The following SRD5A1 variants were observed in gnomAD, a reference collection of about 807,000 sequenced individuals.
SRD5A1 encodes the protein 3-oxo-5-alpha-steroid 4-dehydrogenase 1.
SRD5A1 carries 22 observed loss-of-function variants against 28.2 expected under a neutral mutation model. The observed-to-expected ratio is 0.78, with a 90% confidence interval of 0.56 to 1.12. The LOEUF (loss-of-function observed/expected upper bound fraction) is 1.12. Ranked by LOEUF, SRD5A1 falls within the 50% of genes most tolerant of loss-of-function variation. The pLI, the probability that SRD5A1 is intolerant of heterozygous loss-of-function variation, is 0.00. For missense variants in SRD5A1, 300 were observed against 346.7 expected, an observed-to-expected ratio of 0.87 and a Z score of 1.07; for synonymous variants, 151 against 135.0, an observed-to-expected ratio of 1.12 and a Z score of -0.82.
chr5:6,652,086 A>G, intron 2 of SRD5A1, 78 bp downstream of exon 2: 1 of 1,456,790 alleles, frequency 6.9e-7, no homozygotes, highest in Admixed American at 2.0e-5. Context: ...TTCTAATGAG[A>G]AAGTCCAAGC....
intron 1 of SRD5A1, among the ~76,000 whole-genome samples, chr5:6,635,931 C>T (rs771944035): frequency 6.6e-6 from 1 of 152,198 alleles, no homozygotes; most frequent in Non-Finnish European, 1.5e-5. Context: ...CAGAGTAGAA[C>T]ACGGAGGCAC....
chr5:6,663,297 G>T (rs1259853075), intron 4 of SRD5A1, among the ~76,000 whole-genome samples: 1 of 152,228 alleles, frequency 6.6e-6, no homozygotes, highest in Non-Finnish European at 1.5e-5. Context: ...CTGAGCAATA[G>T]CCAATGGCCA....
intron 1 of SRD5A1, among the ~76,000 whole-genome samples, chr5:6,644,116 C>T (rs1229682447): frequency 6.6e-6 from 1 of 152,234 alleles, no homozygotes; most frequent in Non-Finnish European, 1.5e-5. Context: ...TTGCTTCTCT[C>T]ACACTGCATT....
At chr5:6,644,792 TC>T in intron 1 of SRD5A1, 2 of 436,408 alleles carry the variant, frequency 4.6e-6, no homozygotes, top group South Asian at 3.3e-5. Flanking sequence ...AAAACCAAAT[TC>T]TGCTTGTTCC....
intron 4 of SRD5A1, 92 bp downstream of exon 4, chr5:6,663,058 A>G (rs1301973906): frequency 6.8e-7 from 1 of 1,471,652 alleles, no homozygotes; most frequent in Middle Eastern, 1.9e-4. Context: ...GTTAATTTAA[A>G]TCGCTGAATT....
chr5:6,646,428 A>G (rs1255376190), intron 1 of SRD5A1, among the ~76,000 whole-genome samples: 2 of 152,210 alleles, frequency 1.3e-5, no homozygotes, highest in Non-Finnish European at 2.9e-5. Flanking sequence ...TTGGTAGGCT[A>G]TTAATTACTG....
chr5:6,635,454 T>A (rs927622168), intron 1 of SRD5A1, among the ~76,000 whole-genome samples: 1 of 152,202 alleles, frequency 6.6e-6, no homozygotes, highest in Non-Finnish European at 1.5e-5. Flanking sequence ...GGTCAGAGTA[T>A]TCGGTGCTAT....
intron 1 of SRD5A1, among the ~76,000 whole-genome samples, chr5:6,635,939 C>A (rs73737153): frequency 0.041 from 6,200 of 152,250 alleles, 251 homozygotes; most frequent in South Asian, 0.1. Flanking sequence ...AACACGGAGG[C>A]ACAGCATGCT....
chr5:6,672,963 A>C lies in SRD5A1; in HGVS notation c.*4695A>C, dbSNP rs1739404051. 1 of 152,216 alleles carries C rather than the reference A, an allele frequency of 6.6e-6. No individual in the cohort carries two copies. Among genetic ancestry groups the C allele is most frequent in the Non-Finnish European group, 1.5e-5 (1 of 68,034 alleles). The allele number at this position is 152,216 out of a possible 1,614,324, so 9.4% of individuals were successfully genotyped here. On this transcript the variant is annotated 3_prime_UTR_variant, in exon 5 of 5. Coordinates refer to ENST00000274192, the MANE Select transcript of SRD5A1 (RefSeq NM_001047.4). ...ATTAATTAGCGTCTAGCTCTTTGTA[A>C]GGTAATTGACAGTCTGAGTTAGTTG...
chr5:6,656,870 C>G (rs1386269382), intron 3 of SRD5A1, among the ~76,000 whole-genome samples: 1 of 152,106 alleles, frequency 6.6e-6, no homozygotes, highest in Non-Finnish European at 1.5e-5. Context: ...TCACAAGGTA[C>G]AGAACCCACA....
At chr5:6,656,934 G>A (rs531596279) in intron 3 of SRD5A1, among the ~76,000 whole-genome samples, 15 of 152,262 alleles carry the variant, frequency 9.9e-5, no homozygotes, top group African/African-American at 3.4e-4. Context: ...GATTTCAGAT[G>A]TTAGAATTAA....
chr5:6,643,106 A>C (rs1326962404), intron 1 of SRD5A1, among the ~76,000 whole-genome samples: 2 of 151,636 alleles, frequency 1.3e-5, no homozygotes, highest in Admixed American at 1.3e-4. Flanking sequence ...TTTGGATTCT[A>C]CTAAATTCGT....
chr5:6,665,291 C>G (rs1031426104), intron 4 of SRD5A1, among the ~76,000 whole-genome samples: 3 of 152,218 alleles, frequency 2.0e-5, no homozygotes, highest in African/African-American at 7.2e-5. Context: ...CAACTCCTGG[C>G]ATCCAGAACT....
chr5:6,663,061 G>A (rs964781106), intron 4 of SRD5A1, 95 bp downstream of exon 4: 63 of 1,450,428 alleles, frequency 4.3e-5, no homozygotes, highest in Admixed American at 2.8e-4. Context: ...AATTTAAATC[G>A]CTGAATTCCA....
intron 3 of SRD5A1, 85 bp downstream of exon 3, chr5:6,656,264 T>A: frequency 9.9e-7 from 1 of 1,006,372 alleles, no homozygotes. Flanking sequence ...TAAGAAGTAG[T>A]AGCGTAGTAG....
chr5:6,644,935 T>G, intron 1 of SRD5A1: 1 of 456,066 alleles, frequency 2.2e-6, no homozygotes, highest in South Asian at 1.5e-5. Context: ...TTCGTTGTTC[T>G]TATTCATTGC....
In SRD5A1 at chr5:6,655,243, A is replaced by G. The variant is rs1006230574; in HGVS notation, c.461-835A>G. On this transcript the variant is annotated intron_variant, in intron 2 of 4. Coordinates refer to ENST00000274192, the MANE Select transcript of SRD5A1 (RefSeq NM_001047.4). Reference sequence around the variant, plus strand: ...GCATCTGTCTTTCCCATTTTAAAAAAGTATATCAGAACCATCAAGTTAACC... The same window carrying G: ...GCATCTGTCTTTCCCATTTTAAAAAGGTATATCAGAACCATCAAGTTAACC... 2.0e-5 allele frequency among the ~76,000 whole-genome samples: 3 copies of G among 152,282 alleles called. No homozygotes were observed. The South Asian group carries it at 6.2e-4, about 31-fold the overall frequency.
intron 1 of SRD5A1, among the ~76,000 whole-genome samples, chr5:6,637,533 T>C (rs1254319344): frequency 6.6e-6 from 1 of 152,204 alleles, no homozygotes; most frequent in African/African-American, 2.4e-5. Flanking sequence ...ATGCTCTTTC[T>C]CTCCACCCAC....
In SRD5A1 at chr5:6,662,802, G is replaced by T. The variant is rs1388578560; in HGVS notation, c.563-14G>T. 1 of 1,610,740 alleles carries T rather than the reference G, an allele frequency of 6.2e-7. No homozygotes were observed. The highest frequency in any genetic ancestry group is 2.2e-5 in the East Asian group (1 of 44,828). Reference sequence around the variant, plus strand: ...TGTAGTAAATGCACTACTTTGGTCTGTGTTTTCTTCTAGGAGGCTTATTTG... The same window carrying T: ...TGTAGTAAATGCACTACTTTGGTCTTTGTTTTCTTCTAGGAGGCTTATTTG... On this transcript the variant is annotated splice_polypyrimidine_tract_variant and intron_variant, in intron 3 of 4. Transcript: ENST00000274192.
Sources: allele counts gnomAD v4.1 joint callset (sites outside exome capture counted in the v4.1 genomes callset), GRCh38; gene constraint gnomAD v4.1.1; transcripts MANE v1.5; gene names NCBI Gene and HGNC (gene_info 2026-07-23, HGNC 2026-07-21).